PRKN: variants seen among roughly 807,000 people sequenced by gnomAD.
The protein encoded by PRKN is parkin RBR E3 ubiquitin protein ligase, also known as E3 ubiquitin-protein ligase parkin.
A neutral mutation model predicts 59.5 loss-of-function variants in PRKN; 56 were observed. That is an observed-to-expected ratio of 0.94 (90% CI 0.76 to 1.18). The LOEUF is 1.18. Among genes scored for constraint, PRKN ranks in the 50% most tolerant of loss-of-function variants. The pLI is 0.00. For synonymous variants in PRKN, 250 were observed against 222.1 expected (o/e 1.13, Z -1.12); for missense variants, 657 against 596.4 (o/e 1.10, Z -1.06).
chr6:161,898,056 T>C (rs1013419140), intron 6 of PRKN, among the ~76,000 whole-genome samples: 10 of 151,618 alleles, frequency 6.6e-5, no homozygotes, highest in Non-Finnish European at 1.3e-4. Context: ...AAATCTCTGA[T>C]TATTGAGTTT....
rs549031126 is a variant in PRKN, at chr6:161,992,582, A to G, written c.619-19165T>C. 1.0e-3 allele frequency among the ~76,000 whole-genome samples: 157 copies of G among 152,302 alleles called. 2 individuals are homozygous for G. Among genetic ancestry groups the G allele is most frequent in the South Asian group, 3.1e-3 (15 of 4,828 alleles). ...GAAAATAAAGAAACACTGGATTTAA[A>G]TTGCACTTATGACCAAATGGAATTA... On this transcript the variant is annotated intron_variant, in intron 5 of 11. Coordinates refer to ENST00000366898, the MANE Select transcript of PRKN (RefSeq NM_004562.3).
intron 6 of PRKN, among the ~76,000 whole-genome samples, chr6:161,817,177 A>C (rs1791820598): frequency 6.6e-6 from 1 of 152,202 alleles, no homozygotes; most frequent in Non-Finnish European, 1.5e-5. Context: ...CCCCATCACT[A>C]TAGCTTCTGA....
intron 2 of PRKN, among the ~76,000 whole-genome samples, chr6:162,277,618 A>T (rs547184101): frequency 3.9e-5 from 6 of 152,324 alleles, no homozygotes; most frequent in South Asian, 2.1e-4. Context: ...ATAAACAAAC[A>T]TTAAAAAAGG....
At chr6:162,644,768 C>A (rs1259103835) in intron 1 of PRKN, among the ~76,000 whole-genome samples, 1 of 152,100 alleles carries the variant, frequency 6.6e-6, no homozygotes, top group Non-Finnish European at 1.5e-5. Context: ...ATTTAAAAAT[C>A]TGAAAGCAAT....
At chr6:162,568,778 G>C (rs1231403255) in intron 1 of PRKN, 2 of 740,996 alleles carry the variant, frequency 2.7e-6, no homozygotes, top group Non-Finnish European at 2.5e-6. Context: ...CTCTGGTCCA[G>C]GAGAAGCTGA....
rs1778004320 is a variant in PRKN at position 161,502,649 on chromosome 6, G to C, written c.1083+46205C>G. Among the ~76,000 whole-genome samples the C allele has an allele frequency of 6.6e-6, 1 of 152,142 alleles. No individual in the cohort carries two copies. Among genetic ancestry groups the C allele is most frequent in the Non-Finnish European group, 1.5e-5 (1 of 68,022 alleles). On this transcript the variant is annotated intron_variant, in intron 9 of 11. Coordinates refer to ENST00000366898, the MANE Select transcript of PRKN (RefSeq NM_004562.3). The surrounding 1 kb of genome is among the most constrained non-coding windows in gnomAD (Gnocchi z 4.0). ...CAGGGAAGAGAGAAATGGGGGATTT[G>C]GGAGTAGCAACCTCTGGAGTACCAG...
intron 1 of PRKN, among the ~76,000 whole-genome samples, chr6:162,587,337 T>C (rs1271534048): frequency 6.6e-6 from 1 of 152,128 alleles, no homozygotes; most frequent in Admixed American, 6.6e-5. Flanking sequence ...GGTTTCACTA[T>C]GTTGGCCAGG....
chr6:162,226,054 T>A (rs1031151311), intron 3 of PRKN, among the ~76,000 whole-genome samples: 6 of 141,928 alleles, frequency 4.2e-5, no homozygotes, highest in African/African-American at 1.6e-4. Flanking sequence ...GGAGAAGGCA[T>A]CAATAAGTTT....
chr6:161,692,192 G>T (rs186086312), intron 7 of PRKN, among the ~76,000 whole-genome samples: 49 of 152,226 alleles, frequency 3.2e-4, no homozygotes, highest in African/African-American at 1.2e-3. Flanking sequence ...AGTTGTGGGA[G>T]CGCTACTTTA....
chr6:162,651,331 G>A (rs531530296), intron 1 of PRKN, among the ~76,000 whole-genome samples: 2 of 152,202 alleles, frequency 1.3e-5, no homozygotes, highest in East Asian at 1.9e-4. Context: ...ACATACACAC[G>A]TGCACACCGT....
rs143034093 is a variant in PRKN at position 161,732,370 on chromosome 6, T to G, written c.871+53402A>C. Among the ~76,000 whole-genome samples the G allele has an allele frequency of 9.0e-4, 137 of 152,176 alleles. No individual in the cohort carries two copies. The South Asian group carries it at 0.018, about 20-fold the overall frequency. ...CTAAACTAACAGGTACTTTTTCTGG[T>G]CCTCTCCCTCATCCCACCCTCCATG... On this transcript the variant is annotated intron_variant, in intron 7 of 11. Coordinates refer to ENST00000366898, the MANE Select transcript of PRKN (RefSeq NM_004562.3).
intron 9 of PRKN, among the ~76,000 whole-genome samples, chr6:161,436,877 G>A (rs1411071110): frequency 6.6e-6 from 1 of 152,010 alleles, no homozygotes; most frequent in Non-Finnish European, 1.5e-5. Flanking sequence ...CACTTAGGGA[G>A]ACCGGTCACC....
At position 161,545,229 on chromosome 6, in the gene PRKN, A is replaced by G. The variant is rs1308663368; in HGVS notation, c.1083+3625T>C. On this transcript the variant is annotated intron_variant, in intron 9 of 11. Coordinates refer to ENST00000366898, the MANE Select transcript of PRKN (RefSeq NM_004562.3). The surrounding 1 kb of genome is among the most constrained non-coding windows in gnomAD (Gnocchi z 4.1). ...TGATAATTGAGGGAAAAAAAAATTA[A>G]GCACGGGTGAATTCACAGGCATCTT... is the stretch of plus-strand genomic sequence containing the variant. 7 of 1,337,234 alleles carry G rather than the reference A, an allele frequency of 5.2e-6. No individual in the cohort carries two copies. In the Admixed American group the frequency reaches 1.7e-4, roughly 33 times the overall value. The allele number at this position is 1,337,234 out of a possible 1,614,324, so 82.8% of individuals were successfully genotyped here.
intron 1 of PRKN, among the ~76,000 whole-genome samples, chr6:162,488,010 C>T (rs929988031): frequency 2.7e-5 from 4 of 149,120 alleles, no homozygotes; most frequent in Non-Finnish European, 4.4e-5. Flanking sequence ...AGAACAGACA[C>T]TACATCCACC....
intron 2 of PRKN, among the ~76,000 whole-genome samples, chr6:162,380,445 A>G (rs1786385648): frequency 1.1e-5 from 1 of 90,198 alleles, no homozygotes; most frequent in African/African-American, 5.9e-5. Flanking sequence ...ATATATATAT[A>G]TGTATATATA....
At chr6:162,121,081 T>C (rs117697666) in intron 4 of PRKN, among the ~76,000 whole-genome samples, 145 of 152,292 alleles carry the variant, frequency 9.5e-4, no homozygotes, top group Non-Finnish European at 1.2e-3. Flanking sequence ...CCAAAAGCCA[T>C]TTGCTTTTGC....
At chr6:161,513,046 C>A (rs916154674) in intron 9 of PRKN, among the ~76,000 whole-genome samples, 2 of 152,164 alleles carry the variant, frequency 1.3e-5, no homozygotes, top group South Asian at 4.1e-4. Context: ...GCCACGGTTT[C>A]GATTTCTCAG....
At chr6:162,266,298 TTGTGTGTGTGTGTGTG>T (rs60841593) in intron 2 of PRKN, among the ~76,000 whole-genome samples, 1 of 146,094 alleles carries the variant, frequency 6.8e-6, no homozygotes, top group Non-Finnish European at 1.5e-5. Context: ...TACATATATA[TTGTGTGTGTGTGTGTG>T]TGTGTGTGTG....
At chr6:161,726,812 C>T (rs1027558148) in intron 7 of PRKN, among the ~76,000 whole-genome samples, 1 of 152,148 alleles carries the variant, frequency 6.6e-6, no homozygotes, top group Non-Finnish European at 1.5e-5. Flanking sequence ...AATCAGGAAT[C>T]ACAACTCATT....
Sources: allele counts gnomAD v4.1 joint callset (sites outside exome capture counted in the v4.1 genomes callset), GRCh38; gene constraint gnomAD v4.1.1; non-coding constraint Gnocchi (gnomAD v3.1); transcripts MANE v1.5; gene names NCBI Gene and HGNC (gene_info 2026-07-23, HGNC 2026-07-21).